SOX5: variants seen among roughly 807,000 people sequenced by gnomAD.
SOX5 encodes the protein SRY-box transcription factor 5.
In SOX5, 9 loss-of-function variants were observed where a neutral mutation model predicts 92.0. That is an observed-to-expected ratio of 0.10 (90% CI 0.06 to 0.17). The LOEUF is 0.17. Among genes scored for constraint, SOX5 ranks in the 10% least tolerant of loss-of-function variants. SOX5 has a pLI of 1.00. For synonymous variants in SOX5, 344 were observed against 336.3 expected (o/e 1.02, Z -0.25); for missense variants, 642 against 944.5 (o/e 0.68, Z 4.20).
At chr12:24,284,858 C>T (rs2140446973) in intron 2 of SOX5, among the ~76,000 whole-genome samples, 1 of 152,350 alleles carries the variant, frequency 6.6e-6, no homozygotes, top group Middle Eastern at 3.4e-3. Flanking sequence ...AGCGTGGTGG[C>T]TTACACCTGT....
At chr12:24,350,884 C>T (rs527556240) in intron 2 of SOX5, among the ~76,000 whole-genome samples, 18 of 152,138 alleles carry the variant, frequency 1.2e-4, no homozygotes, top group African/African-American at 4.3e-4. Context: ...GAAACCCTGT[C>T]CCTACTTAAA....
intron 4 of SOX5, among the ~76,000 whole-genome samples, chr12:24,161,179 C>G (rs1442638051): frequency 6.6e-6 from 1 of 152,090 alleles, no homozygotes; most frequent in Non-Finnish European, 1.5e-5. Context: ...TTCCAAAGGG[C>G]CTTTTCCAGA....
chr12:23,607,409 A>C (rs2075374773), intron 8 of SOX5, among the ~76,000 whole-genome samples: 1 of 152,224 alleles, frequency 6.6e-6, no homozygotes, highest in Admixed American at 6.6e-5. Context: ...AAATTTCAGT[A>C]AAATTAAAGA....
intron 13 of SOX5, among the ~76,000 whole-genome samples, chr12:23,540,364 A>AAT: frequency 2.4e-5 from 1 of 42,428 alleles, no homozygotes; most frequent in East Asian, 6.6e-4. Flanking sequence ...CTTAAAGTAT[A>AAT]ATAATAATAA....
In SOX5 at chr12:24,158,439, G is replaced by GA. The variant is rs1011111055; in HGVS notation, c.-2+54903dup. On this transcript the variant is annotated intron_variant, in intron 4 of 4. Transcript: ENST00000446891. ...ATTTACCCAGAATGAATACATATTT[G>GA]AAAAAAAGTCTTAATTTTATAGAAA... 1.9e-3 allele frequency among the ~76,000 whole-genome samples: 294 copies of GA among 151,698 alleles called. 2 individuals are homozygous for GA. Among genetic ancestry groups the GA allele is most frequent in the African/African-American group, 6.3e-3 (263 of 41,490 alleles).
intron 4 of SOX5, among the ~76,000 whole-genome samples, chr12:24,131,933 C>A (rs1484191476): frequency 6.6e-6 from 1 of 151,794 alleles, no homozygotes; most frequent in Non-Finnish European, 1.5e-5. Flanking sequence ...TCTTTTTTAT[C>A]TCTCATGTCA....
intron 2 of SOX5, among the ~76,000 whole-genome samples, chr12:24,358,044 A>G (rs1458507936): frequency 6.6e-6 from 1 of 152,162 alleles, no homozygotes; most frequent in Non-Finnish European, 1.5e-5. Flanking sequence ...CAAGACTGGC[A>G]CAGTGTGTGG....
chr12:24,540,990 CA>C (rs1177566833), intron 1 of SOX5, among the ~76,000 whole-genome samples: 1 of 152,026 alleles, frequency 6.6e-6, no homozygotes, highest in Non-Finnish European at 1.5e-5. Flanking sequence ...TTTAATCTTT[CA>C]AAAAATATGG....
At chr12:24,126,292 T>A (rs1405602145) in intron 4 of SOX5, among the ~76,000 whole-genome samples, 1 of 152,120 alleles carries the variant, frequency 6.6e-6, no homozygotes, top group Non-Finnish European at 1.5e-5. Context: ...AATCCAAATA[T>A]CTACTCAACA....
chr12:24,432,583 G>A (rs188271402), intron 1 of SOX5, among the ~76,000 whole-genome samples: 49 of 152,274 alleles, frequency 3.2e-4, no homozygotes, highest in Admixed American at 1.5e-3. Flanking sequence ...GGGAGGCCAA[G>A]GCAGCAGATC....
At chr12:23,933,394 A>T (rs1785967543) in intron 1 of SOX5, among the ~76,000 whole-genome samples, 1 of 151,838 alleles carries the variant, frequency 6.6e-6, no homozygotes, top group African/African-American at 2.4e-5. Flanking sequence ...TGCCTTGCAG[A>T]TAAGCGGGAC....
At chr12:23,770,048 G>GTTTGT (rs2094876081) in intron 3 of SOX5, among the ~76,000 whole-genome samples, 1 of 106,522 alleles carries the variant, frequency 9.4e-6, no homozygotes, top group African/African-American at 3.6e-5. Context: ...TGCTCCCTCT[G>GTTTGT]TTTTTTTTTT....
At chr12:23,658,515 G>A (rs916726850) in intron 7 of SOX5, among the ~76,000 whole-genome samples, 11 of 152,072 alleles carry the variant, frequency 7.2e-5, no homozygotes, top group African/African-American at 2.2e-4. Context: ...AACTAAATCA[G>A]GATCTCCCAA....
chr12:23,820,601 T>G (rs61963339), intron 3 of SOX5, among the ~76,000 whole-genome samples: 1 of 152,232 alleles, frequency 6.6e-6, no homozygotes, highest in Non-Finnish European at 1.5e-5. Context: ...AATTTTTGTA[T>G]AAAGTATAGG....
At chr12:24,513,097 G>A (rs1238908192) in intron 1 of SOX5, among the ~76,000 whole-genome samples, 1 of 152,182 alleles carries the variant, frequency 6.6e-6, no homozygotes, top group Non-Finnish European at 1.5e-5. Context: ...GCAGCTCCCA[G>A]TCAGCCATGC....
chr12:23,846,938 T>G (rs976053695), intron 2 of SOX5, among the ~76,000 whole-genome samples: 4 of 152,182 alleles, frequency 2.6e-5, no homozygotes, highest in African/African-American at 9.6e-5. Context: ...TTCTTCATAG[T>G]CATGTGGGTA....
At chr12:24,023,017 C>A (rs865998760) in intron 4 of SOX5, among the ~76,000 whole-genome samples, 4 of 151,904 alleles carry the variant, frequency 2.6e-5, no homozygotes, top group East Asian at 1.9e-4. Context: ...TTCTACCTCC[C>A]GAGATATTCA....
At chr12:24,211,084 G>C (rs1419245167) in intron 4 of SOX5, among the ~76,000 whole-genome samples, 2 of 152,078 alleles carry the variant, frequency 1.3e-5, no homozygotes, top group African/African-American at 4.8e-5. Context: ...GTCTGCTCCT[G>C]TCTTCCTGCC....
intron 4 of SOX5, among the ~76,000 whole-genome samples, chr12:24,058,524 T>C (rs1939037851): frequency 6.6e-6 from 1 of 152,172 alleles, no homozygotes; most frequent in African/African-American, 2.4e-5. Context: ...CAGGACACAG[T>C]AAATTTTCTT....
Sources: allele counts gnomAD v4.1 joint callset (sites outside exome capture counted in the v4.1 genomes callset), GRCh38; gene constraint gnomAD v4.1.1; transcripts MANE v1.5; gene names NCBI Gene and HGNC (gene_info 2026-07-23, HGNC 2026-07-21).